The following GIGYF1 variants were observed in gnomAD, a reference collection of about 807,000 sequenced individuals.
GIGYF1 encodes GRB10-interacting GYF protein 1.
GIGYF1 carries 84 observed loss-of-function variants against 147.1 expected under a neutral mutation model. The ratio of observed to expected loss-of-function variants is 0.57; its 90% confidence interval spans 0.48 to 0.68. The LOEUF is 0.68. GIGYF1 is among the 30% of genes least tolerant of loss of function. The pLI, the probability that GIGYF1 is intolerant of heterozygous loss-of-function variation, is 0.00. For missense variants in GIGYF1, 1,485 were observed against 1,393.7 expected (o/e 1.07, Z -1.04); for synonymous variants, 752 against 589.5 (o/e 1.28, Z -3.99).
At position 100,687,972 on chromosome 7, in the gene GIGYF1, C is replaced by A; in HGVS notation, c.165+9G>T. Reference sequence around the variant, plus strand: ...CACCACCGCCAACCCCCCTCGCCCACGCACCCACCTTGTTCTCCTTGACGT... The same window carrying A: ...CACCACCGCCAACCCCCCTCGCCCAAGCACCCACCTTGTTCTCCTTGACGT... On this transcript the variant is annotated intron_variant, in intron 5 of 26. Transcript: ENST00000678049. The A allele has an allele frequency of 6.2e-7, 1 of 1,610,290 alleles. No homozygotes were observed. The highest frequency in any genetic ancestry group is 8.5e-7 in the Non-Finnish European group (1 of 1,177,180).
intron 10 of GIGYF1, 32 bp downstream of exon 10, chr7:100,686,617 C>A (rs1805366281): frequency 6.3e-7 from 1 of 1,586,586 alleles, no homozygotes; most frequent in East Asian, 2.2e-5. Flanking sequence ...CTCCCCACTG[C>A]CCCCGCCAAT....
rs1255716424 is a variant in GIGYF1, at chr7:100,683,237, G to C, written c.2194-7C>G. 1 of 1,612,648 alleles carries C rather than the reference G, an allele frequency of 6.2e-7. No individual in the cohort carries two copies. The highest frequency in any genetic ancestry group is 1.1e-5 in the South Asian group (1 of 91,090). On this transcript the variant is annotated splice_region_variant and splice_polypyrimidine_tract_variant and intron_variant, in intron 21 of 26. Transcript: ENST00000678049. ...ATAGCTCCTGCTGCCGCACCTAAGA[G>C]GGGGACATGGTGAGGGGACCTGGCG...
At chr7:100,685,312 C>T (rs374308779) in intron 13 of GIGYF1, 32 bp downstream of exon 13, 6 of 1,563,976 alleles carry the variant, frequency 3.8e-6, no homozygotes, top group Non-Finnish European at 5.2e-6. Flanking sequence ...AGCCCCAGCG[C>T]ACCCGGGAGG....
intron 19 of GIGYF1, 45 bp from the exon 20 acceptor site, chr7:100,683,677 G>T: frequency 1.3e-6 from 2 of 1,573,654 alleles, no homozygotes; most frequent in African/African-American, 1.3e-5. Flanking sequence ...TGGGCACTTG[G>T]GCCCACTGAT....
chr7:100,685,911 C>T, intron 12 of GIGYF1, 63 bp downstream of exon 12: 15 of 1,406,912 alleles, frequency 1.1e-5, no homozygotes, highest in Non-Finnish European at 1.2e-5. Context: ...ATGCCCAGCC[C>T]GGCAAAGAAC....
Position 100,684,077 on chromosome 7 carries a change from TGCTGTGGCGGCG to T in GIGYF1, c.1799_1810del (p.Pro600_Gln603del). 1 of 1,607,302 alleles carries T rather than the reference TGCTGTGGCGGCG, an allele frequency of 6.2e-7. No homozygotes were observed. Among genetic ancestry groups the T allele is most frequent in the Non-Finnish European group, 8.5e-7 (1 of 1,179,634 alleles). On this transcript the variant is annotated inframe_deletion, in exon 18 of 27. Transcript: ENST00000678049. ...GAATGCCGTGAGCTGCTGCTGCTGC[TGCTGTGGCGGCG>T]GCGGTGGTGGCGGTGTCAGGTCCCC...
At chr7:100,684,379 A>AG (rs1163275747) in intron 16 of GIGYF1, 42 bp from the exon 17 acceptor site, 36 of 1,599,256 alleles carry the variant, frequency 2.3e-5, no homozygotes, top group Non-Finnish European at 2.9e-5. Context: ...AGCAGGGAGG[A>AG]GGGGACTCTG....
Position 100,687,807 on chromosome 7 carries a change from G to T in GIGYF1, c.242C>A (p.Pro81Gln). Residue 81 changes from proline to glutamine, a missense_variant, in exon 6 of 27, where the codon CCG becomes CAG. By Grantham distance (76) the Pro-to-Gln change is moderately conservative. Transcript: ENST00000678049. ...DEPLQPLALEPLTEEEQRNFS... is the reference protein window; with the variant it reads ...DEPLQPLALEQLTEEEQRNFS... ...TCCCACCTGTTCCTCCTCAGTCAGC[G>T]GCTCCAGAGCCAGGGGCTGCAGTGG... 6.2e-7 allele frequency: 1 copy of T among 1,612,800 alleles called. No homozygotes were observed. Among genetic ancestry groups the T allele is most frequent in the Non-Finnish European group, 8.5e-7 (1 of 1,179,956 alleles).
In GIGYF1 at chr7:100,686,065, C is replaced by T. The variant is rs1276281132; in HGVS notation, c.963G>A (p.Glu321=). ...AFLPLKKGPK[E]PIPEEQELDF... ...CCAGCTCCTGCTCCTCAGGAATGGG[C>T]TCCTTGGGGCCCTTCTGCATGGGGC... The change falls in exon 12 of 27, where the codon GAG becomes GAA. Residue 321 remains glutamate, a synonymous_variant. Transcript: ENST00000678049. The T allele has an allele frequency of 1.9e-6, 3 of 1,612,430 alleles. No individual in the cohort carries two copies. The highest frequency in any genetic ancestry group is 1.3e-5 in the African/African-American group (1 of 74,932).
chr7:100,685,633 G>T, intron 12 of GIGYF1, 152 bp from the exon 13 acceptor site: 1 of 837,100 alleles, frequency 1.2e-6, no homozygotes, highest in Non-Finnish European at 1.8e-6. Context: ...ATGGCAGAGG[G>T]AATGCGGTGC....
In GIGYF1 at chr7:100,688,040, G is replaced by A. The variant is rs761184098; in HGVS notation, c.106C>T (p.Leu36=). The A allele has an allele frequency of 1.2e-6, 2 of 1,613,630 alleles. No individual in the cohort carries two copies. Among genetic ancestry groups the A allele is most frequent in the Non-Finnish European group, 8.5e-7 (1 of 1,179,794 alleles). Residue 36 remains leucine (L), a synonymous_variant, in exon 5 of 27, where the codon CTG becomes TTG. Coordinates refer to ENST00000678049, the MANE Select transcript of GIGYF1 (RefSeq NM_001375765.1). ...PPSPAMPKYK[L]ADYRYGREEM... ...TCTCGCCCATAACGGTAGTCAGCCA[G>A]CTTGTATTTGGGCATGGCAGGGGAC...
rs527351616 is a variant in GIGYF1, at chr7:100,685,619, A to T, written c.1055-138T>A. 3.2e-5 allele frequency: 30 copies of T among 936,468 alleles called. No homozygotes were observed. The South Asian group carries it at 4.5e-4, about 14-fold the overall frequency. The allele number at this position is 936,468 out of a possible 1,614,324, so 58.0% of individuals were successfully genotyped here. ...CCACCACTTCACTTGGGTCAACTCA[A>T]CTAATGGCAGAGGGAATGCGGTGCC... On this transcript the variant is annotated intron_variant, in intron 12 of 26. Coordinates refer to ENST00000678049, the MANE Select transcript of GIGYF1 (RefSeq NM_001375765.1).
intron 16 of GIGYF1, 47 bp downstream of exon 16, chr7:100,684,403 G>T (rs778877901): frequency 6.2e-7 from 1 of 1,606,302 alleles, no homozygotes; most frequent in African/African-American, 1.3e-5. Context: ...GACTCCTGCC[G>T]GCACCCCTCA....
chr7:100,684,923 CA>C, intron 14 of GIGYF1, 29 bp from the exon 15 acceptor site: 1 of 1,603,976 alleles, frequency 6.2e-7, no homozygotes, highest in South Asian at 1.1e-5. Flanking sequence ...AAGAAAGGCT[CA>C]GCTGCCAATC....
Position 100,681,868 on chromosome 7 carries a change from G to T in GIGYF1, c.3051C>A (p.Ile1017=). 6.2e-7 allele frequency: 1 copy of T among 1,612,602 alleles called. No homozygotes were observed. Among genetic ancestry groups the T allele is most frequent in the Non-Finnish European group, 8.5e-7 (1 of 1,179,812 alleles). Residue 1017 remains isoleucine (I), a synonymous_variant, in exon 26 of 27, where the codon ATC becomes ATA. Coordinates refer to ENST00000678049, the MANE Select transcript of GIGYF1 (RefSeq NM_001375765.1). ...RALMLHSDPS[I]LGYSLHGSSG... is the part of the protein sequence containing the mutation. Reference sequence around the variant, plus strand: ...TCCTGCCCCAGCCCAGCTCACCCAGGATGCTGGGGTCTGAGTGCAGCATCA... The same window carrying T: ...TCCTGCCCCAGCCCAGCTCACCCAGTATGCTGGGGTCTGAGTGCAGCATCA...
At position 100,684,157 on chromosome 7, in the gene GIGYF1, G is replaced by T. The variant is rs1239234609; in HGVS notation, c.1731C>A (p.Ser577Arg). Residue 577 changes from serine to arginine, a missense_variant and splice_region_variant, in exon 18 of 27, where the codon AGC becomes AGA. Ser to Arg is a moderately radical substitution (Grantham distance 110). Transcript: ENST00000678049. ...GGAGCGCGCACTGTGGGAGCTGGCGGCTGCAAATGGGACAGTGGAGATGGT... is the reference window on the plus strand; with the variant it reads ...GGAGCGCGCACTGTGGGAGCTGGCGTCTGCAAATGGGACAGTGGAGATGGT... ...QHQQFLQLVS[S>R]RQLPQCALRE... is the part of the protein sequence containing the mutation. 1.2e-6 allele frequency: 2 copies of T among 1,608,678 alleles called. No homozygotes were observed. Among genetic ancestry groups the T allele is most frequent in the African/African-American group, 2.7e-5 (2 of 74,886 alleles).
Position 100,681,380 on chromosome 7 carries a change from A to C in GIGYF1, c.*339T>G, listed in dbSNP as rs1347578780. On this transcript the variant is annotated 3_prime_UTR_variant, in exon 27 of 27. Coordinates refer to ENST00000678049, the MANE Select transcript of GIGYF1 (RefSeq NM_001375765.1). Reference sequence around the variant, plus strand: ...CTTAAAAAAAAAAAAAAAACCAAAAAACAAAAACCTCTGTGGACCTTCCAT... The same window carrying C: ...CTTAAAAAAAAAAAAAAAACCAAAACACAAAAACCTCTGTGGACCTTCCAT... 7.7e-5 allele frequency: 17 copies of C among 221,610 alleles called. No homozygotes were observed. Among genetic ancestry groups the C allele is most frequent in the African/African-American group, 3.6e-4 (16 of 43,954 alleles). The allele number at this position is 221,610 out of a possible 1,614,324, so 13.7% of individuals were successfully genotyped here. A position where few individuals can be genotyped will look rare whatever the true frequency, so the allele number is the denominator to read the frequency against.
Position 100,686,326 on chromosome 7 carries a change from C to T in GIGYF1, c.802G>A (p.Gly268Arg). Residue 268 changes from glycine (G) to arginine (R), a missense_variant, in exon 11 of 27, where the codon GGA becomes AGA. By Grantham distance (125) the Gly-to-Arg change is moderately radical. Coordinates refer to ENST00000678049, the MANE Select transcript of GIGYF1 (RefSeq NM_001375765.1). ...CGCAGGTGAGAGCTGCCTCCCCCTC[C>T]CCGCCCCTCCTCTTCACCACACCCT... ...RGGCGEEEGR[G>R]GGGSSHLRRC... 1.2e-6 allele frequency: 2 copies of T among 1,613,792 alleles called. No individual in the cohort carries two copies. Among genetic ancestry groups the T allele is most frequent in the South Asian group, 2.2e-5 (2 of 91,074 alleles).
chr7:100,685,481 C>T lies in GIGYF1; in HGVS notation c.1055G>A (p.Gly352Asp), dbSNP rs1399960167. The T allele has an allele frequency of 1.3e-6, 2 of 1,599,332 alleles. No homozygotes were observed. Among genetic ancestry groups the T allele is most frequent in the Non-Finnish European group, 1.7e-6 (2 of 1,176,514 alleles). The change falls in exon 13 of 27, where the codon GGT (glycine) becomes GAT (aspartate). Residue 352 changes from glycine to aspartate, a missense_variant and splice_region_variant. By Grantham distance (94) the Gly-to-Asp change is moderately conservative. Transcript: ENST00000678049. Reference sequence around the variant, plus strand: ...AGGCAGTGGGGTCAGCTCTTTCCCACCTAGAAGAGGGAGATGGCCAGAGTT... The same window carrying T: ...AGGCAGTGGGGTCAGCTCTTTCCCATCTAGAAGAGGGAGATGGCCAGAGTT... ...EGLEEEGPEA[G>D]GKELTPLPPQ...
Sources: allele counts gnomAD v4.1 joint callset, GRCh38; gene constraint gnomAD v4.1.1; transcripts MANE v1.5; gene names NCBI Gene and HGNC (gene_info 2026-07-23, HGNC 2026-07-21).